The following NAALADL2 variants were observed in gnomAD, a reference collection of about 807,000 sequenced individuals.
The protein encoded by NAALADL2 is inactive N-acetylated-alpha-linked acidic dipeptidase-like protein 2.
In NAALADL2, 76 loss-of-function variants were observed where a neutral mutation model predicts 87.2. That is an observed-to-expected ratio of 0.87 (90% confidence interval 0.72 to 1.05). The LOEUF (loss-of-function observed/expected upper bound fraction) is 1.05, where lower values mean the gene tolerates loss of function less well. NAALADL2 is among the 50% of genes least tolerant of loss of function. The pLI, the probability that NAALADL2 is intolerant of heterozygous loss-of-function variation, is 0.00. For missense variants in NAALADL2, 1,089 were observed against 945.8 expected (o/e 1.15, Z -1.99); for synonymous variants, 354 against 331.0 (o/e 1.07, Z -0.75).
At chr3:174,918,301 G>T (rs1012351217) in intron 1 of NAALADL2, among the ~76,000 whole-genome samples, 5 of 151,906 alleles carry the variant, frequency 3.3e-5, no homozygotes, top group Admixed American at 3.3e-4. Context: ...ATATATTTTG[G>T]AGTCAGTGTA....
chr3:175,423,428 C>CCT (rs1716212370), intron 5 of NAALADL2, among the ~76,000 whole-genome samples: 1 of 131,568 alleles, frequency 7.6e-6, no homozygotes. Context: ...CCCCCCATCC[C>CCT]ACAACAGGCC....
chr3:175,013,177 T>TATAATATATAG, intron 1 of NAALADL2, among the ~76,000 whole-genome samples: 1 of 118,518 alleles, frequency 8.4e-6, no homozygotes, highest in Non-Finnish European at 1.8e-5. Context: ...GTAATACATA[T>TATAATATATAG]TTATATATAA....
At chr3:175,437,141 G>A (rs1044501250) in intron 5 of NAALADL2, among the ~76,000 whole-genome samples, 18 of 134,714 alleles carry the variant, frequency 1.3e-4, no homozygotes, top group African/African-American at 3.8e-4. Context: ...TCTCAGGTTT[G>A]TCAAAGATCA....
At position 175,240,273 on chromosome 3, in the gene NAALADL2, A is replaced by G. The variant is rs555894600; in HGVS notation, c.819+6069A>G. 6.6e-5 allele frequency among the ~76,000 whole-genome samples: 10 copies of G among 152,350 alleles called. 1 individual carries two copies. The South Asian group carries it at 1.9e-3, about 28-fold the overall frequency. On this transcript the variant is annotated intron_variant, in intron 3 of 13. Coordinates refer to ENST00000454872, the MANE Select transcript of NAALADL2 (RefSeq NM_207015.3). ...AGCATTGCTTGTCTTTGTGTGTAAA[A>G]TATCAATATGTAGTGCCTTAACGTA...
rs976871543 is a variant in NAALADL2 at position 174,448,971 on chromosome 3, A to C, written c.-184+7939A>C. Among the ~76,000 whole-genome samples, 6 of 152,346 alleles carry C rather than the reference A, an allele frequency of 3.9e-5. No individual in the cohort carries two copies. The South Asian group carries it at 1.2e-3, about 32-fold the overall frequency. Reference sequence around the variant, plus strand: ...TTTAAGACGGGGTGGATCAATATCTATGTTAATTCAAAGAAACCATAAACA... The same window carrying C: ...TTTAAGACGGGGTGGATCAATATCTCTGTTAATTCAAAGAAACCATAAACA... On this transcript the variant is annotated intron_variant, in intron 1 of 3. Transcript: ENST00000434257.
chr3:174,674,544 G>A (rs2108810311), intron 2 of NAALADL2, among the ~76,000 whole-genome samples: 1 of 151,656 alleles, frequency 6.6e-6, no homozygotes, highest in South Asian at 2.1e-4. Context: ...GTCGTCTGTA[G>A]TTTGAAAAGG....
chr3:174,676,930 A>G (rs930026824), intron 2 of NAALADL2, among the ~76,000 whole-genome samples: 1 of 151,978 alleles, frequency 6.6e-6, no homozygotes, highest in Non-Finnish European at 1.5e-5. Context: ...ACTTTTTAAA[A>G]AACCCTGGTA....
chr3:174,637,392 T>A (rs1318280440), intron 2 of NAALADL2, among the ~76,000 whole-genome samples: 3 of 152,090 alleles, frequency 2.0e-5, no homozygotes, highest in Non-Finnish European at 4.4e-5. Flanking sequence ...ATATCCTCAA[T>A]GAATACTTAT....
In NAALADL2 at chr3:175,709,551, G is replaced by A. The variant is rs150718574; in HGVS notation, c.1897-27755G>A. Among the ~76,000 whole-genome samples the A allele has an allele frequency of 2.4e-4, 36 of 152,200 alleles. No individual in the cohort carries two copies. The East Asian group carries it at 6.8e-3, about 29-fold the overall frequency. Reference sequence around the variant, plus strand: ...GAAGACCTCAGCCCCCAGGGGACATGTCCACCAGTTGCGTAGGCTTATATG... The same window carrying A: ...GAAGACCTCAGCCCCCAGGGGACATATCCACCAGTTGCGTAGGCTTATATG... On this transcript the variant is annotated intron_variant, in intron 11 of 13. Coordinates refer to ENST00000454872, the MANE Select transcript of NAALADL2 (RefSeq NM_207015.3).
At chr3:175,286,613 C>A (rs924501291) in intron 4 of NAALADL2, among the ~76,000 whole-genome samples, 11 of 151,958 alleles carry the variant, frequency 7.2e-5, no homozygotes, top group African/African-American at 1.9e-4. Context: ...TCTGGAGGGT[C>A]TATTTTATTC....
intron 5 of NAALADL2, among the ~76,000 whole-genome samples, chr3:175,380,775 T>G (rs1373520569): frequency 6.6e-6 from 1 of 152,152 alleles, no homozygotes; most frequent in African/African-American, 2.4e-5. Flanking sequence ...ACAGATGCCA[T>G]TTAACTACAT....
chr3:175,220,052 A>G (rs1743124583), intron 2 of NAALADL2, among the ~76,000 whole-genome samples: 1 of 151,708 alleles, frequency 6.6e-6, no homozygotes, highest in Non-Finnish European at 1.5e-5. Context: ...TTTGAATGTT[A>G]AATCATCCTT....
chr3:175,130,839 T>G (rs1415949143), intron 2 of NAALADL2, among the ~76,000 whole-genome samples: 2 of 152,220 alleles, frequency 1.3e-5, no homozygotes, highest in East Asian at 3.9e-4. Context: ...TCAGGACATG[T>G]AAAACCTCCA....
chr3:175,095,287 C>G (rs77209066), intron 1 of NAALADL2, among the ~76,000 whole-genome samples: 15 of 152,120 alleles, frequency 9.9e-5, no homozygotes, highest in Middle Eastern at 6.8e-3. Context: ...TCAATCACCC[C>G]TGAGTTTCCC....
intron 2 of NAALADL2, among the ~76,000 whole-genome samples, chr3:175,131,546 C>G (rs1727872315): frequency 6.6e-6 from 1 of 152,206 alleles, no homozygotes; most frequent in African/African-American, 2.4e-5. Context: ...CTACCTCTTT[C>G]TACACAGACA....
chr3:175,142,660 A>C (rs1056727445), intron 2 of NAALADL2, among the ~76,000 whole-genome samples: 5 of 151,932 alleles, frequency 3.3e-5, no homozygotes, highest in African/African-American at 4.8e-5. Flanking sequence ...ATTGAACTGC[A>C]TCCTATGTCA....
rs544724444 is a variant in NAALADL2, at chr3:174,494,628, A to G, written c.-184+53596A>G. Among the ~76,000 whole-genome samples, 543 of 152,140 alleles carry G rather than the reference A, an allele frequency of 3.6e-3. 4 individuals are homozygous for G. The highest frequency in any genetic ancestry group is 0.012 in the African/African-American group (496 of 41,536). On this transcript the variant is annotated intron_variant, in intron 1 of 3. Coordinates refer to the NAALADL2 transcript ENST00000434257. ...CCCTAGAACTTAAAGTATTAAAAAAAAAAAAGAAGTAGGGAGTTTTTAGTT... is the reference window on the plus strand; with the variant it reads ...CCCTAGAACTTAAAGTATTAAAAAAGAAAAAGAAGTAGGGAGTTTTTAGTT...
At position 175,808,561 on chromosome 3, in the gene NAALADL2, T is replaced by C. The variant is rs1296652249; in HGVS notation, c.*5358T>C. 1 of 151,966 alleles carries C rather than the reference T, an allele frequency of 6.6e-6. No individual in the cohort carries two copies. Among genetic ancestry groups the C allele is most frequent in the African/African-American group, 2.4e-5 (1 of 41,422 alleles). The allele number at this position is 151,966 out of a possible 1,614,324, so 9.4% of individuals were successfully genotyped here. A position where few individuals can be genotyped will look rare whatever the true frequency, so the allele number is the denominator to read the frequency against. On this transcript the variant is annotated 3_prime_UTR_variant, in exon 14 of 14. Transcript: ENST00000454872. ...GCAGACCCAGCCTAACAGTATTTCA[T>C]CTAATTTCTTTGATGGCTTAAGCCA... is the stretch of plus-strand genomic sequence containing the variant.
intron 11 of NAALADL2, among the ~76,000 whole-genome samples, chr3:175,720,060 C>T (rs73881362): frequency 2.3e-4 from 35 of 152,214 alleles, no homozygotes; most frequent in African/African-American, 7.9e-4. Context: ...TGGGAGAACA[C>T]GCTCAGGCCA....
Sources: gnomAD v4.1 joint callset for allele counts (sites outside exome capture counted in the v4.1 genomes callset) on GRCh38, gnomAD v4.1.1 for gene constraint, MANE v1.5 for transcripts, NCBI Gene and HGNC (gene_info 2026-07-23, HGNC 2026-07-21) for gene names.